COMMD10: variants seen among roughly 807,000 people sequenced by gnomAD.
The protein encoded by COMMD10 is COMM domain containing 10.
In COMMD10, 33 loss-of-function variants were observed where a neutral mutation model predicts 28.9. The ratio of observed to expected loss-of-function variants is 1.14; its 90% CI spans 0.87 to 1.53. The LOEUF is 1.53. Among genes scored for constraint, COMMD10 ranks in the 40% most tolerant of loss-of-function variants. The pLI, the probability that COMMD10 is intolerant of heterozygous loss-of-function variation, is 0.00. For synonymous variants in COMMD10, 110 were observed against 81.7 expected (o/e 1.35, Z -1.87); for missense variants, 310 against 233.4 (o/e 1.33, Z -2.14).
At position 116,161,083 on chromosome 5, in the gene COMMD10, G is replaced by A. The variant is rs530117012; in HGVS notation, c.510+26905G>A. ...TATTTATGGGCCCATGAAGCCTGCC[G>A]GTTGGTTGGTTTGTTTTTGGTATAT... On this transcript the variant is annotated intron_variant, in intron 5 of 6. Transcript: ENST00000274458. Among the ~76,000 whole-genome samples the A allele has an allele frequency of 1.2e-3, 187 of 152,140 alleles. 1 individual carries two copies. The highest frequency in any genetic ancestry group is 2.4e-3 in the Non-Finnish European group (161 of 67,998).
intron 4 of COMMD10, among the ~76,000 whole-genome samples, chr5:116,132,459 A>G (rs1011212943): frequency 2.0e-5 from 3 of 152,170 alleles, no homozygotes; most frequent in African/African-American, 4.8e-5. Context: ...CATCATCTCT[A>G]TGCAGTGCCT....
At position 116,183,278 on chromosome 5, in the gene COMMD10, A is replaced by T. The variant is rs1022562067; in HGVS notation, c.510+49100A>T. On this transcript the variant is annotated intron_variant, in intron 5 of 6. Coordinates refer to ENST00000274458, the MANE Select transcript of COMMD10 (RefSeq NM_016144.4). The stretch of plus-strand genomic sequence containing the variant: ...AGGGGAGACTAAGGATGATGCCAGA[A>T]CTGAAAGAAAAATGTTTCTAGAAGA... Among the ~76,000 whole-genome samples, 9 of 152,252 alleles carry T rather than the reference A, an allele frequency of 5.9e-5. No homozygotes were observed. In the East Asian group the frequency reaches 1.2e-3, roughly 20 times the overall value.
chr5:116,291,290 A>G (rs1240969457), intron 5 of COMMD10, among the ~76,000 whole-genome samples: 1 of 152,208 alleles, frequency 6.6e-6, no homozygotes, highest in East Asian at 1.9e-4. Context: ...TAACCTTCGT[A>G]GAGTCAACTT....
Position 116,092,686 on chromosome 5 carries a change from C to G in COMMD10, c.385C>G (p.Leu129Val), listed in dbSNP as rs957169526. The part of the protein sequence containing the change: ...ETVEKFRQRI[L>V]APCKLETVGW... ...AGTTGAAAAGTTCCGGCAGAGAATT[C>G]TGGCTCCCTGTAAGGTATAGAACAT... is the stretch of plus-strand genomic sequence containing the variant. Residue 129 changes from leucine to valine, a missense_variant, in exon 4 of 7, where the codon CTG (leucine) becomes GTG (valine). Coordinates refer to ENST00000274458, the MANE Select transcript of COMMD10 (RefSeq NM_016144.4). The G allele has an allele frequency of 1.2e-6, 2 of 1,606,296 alleles. No homozygotes were observed. The highest frequency in any genetic ancestry group is 1.3e-5 in the African/African-American group (1 of 74,710).
intron 5 of COMMD10, among the ~76,000 whole-genome samples, chr5:116,278,098 C>G (rs1750968247): frequency 6.6e-6 from 1 of 151,602 alleles, no homozygotes; most frequent in African/African-American, 2.4e-5. Context: ...AATAATGTAC[C>G]TATTACAAAT....
intron 5 of COMMD10, among the ~76,000 whole-genome samples, chr5:116,239,149 C>A (rs968952313): frequency 3.9e-5 from 6 of 152,118 alleles, no homozygotes; most frequent in African/African-American, 1.4e-4. Flanking sequence ...TAAACCATGG[C>A]TTTTAACAAA....
At chr5:116,129,888 A>T (rs1420331387) in intron 4 of COMMD10, among the ~76,000 whole-genome samples, 2 of 149,122 alleles carry the variant, frequency 1.3e-5, no homozygotes, top group Non-Finnish European at 3.0e-5. Context: ...AGTTTGTAAT[A>T]ATAGTTATCC....
At chr5:116,131,476 C>T (rs1337855644) in intron 4 of COMMD10, among the ~76,000 whole-genome samples, 2 of 151,830 alleles carry the variant, frequency 1.3e-5, no homozygotes, top group Non-Finnish European at 2.9e-5. Context: ...AGGTTGCAGT[C>T]CTGCCTCCTA....
At chr5:116,119,464 A>G (rs1252359192) in intron 4 of COMMD10, among the ~76,000 whole-genome samples, 2 of 152,196 alleles carry the variant, frequency 1.3e-5, no homozygotes, top group African/African-American at 2.4e-5. Flanking sequence ...GAGGCTGCCT[A>G]ATGGGTAACC....
At chr5:116,230,782 T>G (rs951052014) in intron 5 of COMMD10, among the ~76,000 whole-genome samples, 4 of 152,104 alleles carry the variant, frequency 2.6e-5, no homozygotes, top group Non-Finnish European at 5.9e-5. Context: ...CCATCCAAAG[T>G]TCTTGAAGTT....
At chr5:116,158,190 G>A (rs183661930) in intron 5 of COMMD10, among the ~76,000 whole-genome samples, 1 of 79,490 alleles carries the variant, frequency 1.3e-5, no homozygotes, top group Admixed American at 1.4e-4. Context: ...CCCTCTCTCC[G>A]TCTCCCCTCT....
chr5:116,247,359 A>T (rs1012271890), intron 5 of COMMD10, among the ~76,000 whole-genome samples: 1 of 152,088 alleles, frequency 6.6e-6, no homozygotes, highest in East Asian at 1.9e-4. Flanking sequence ...ACACTTATAC[A>T]CTGTTGGTGG....
At chr5:116,089,264 G>A (rs1040718457) in intron 2 of COMMD10, among the ~76,000 whole-genome samples, 1 of 152,138 alleles carries the variant, frequency 6.6e-6, no homozygotes, top group African/African-American at 2.4e-5. Flanking sequence ...TATCTATGAG[G>A]TAACCAAGAT....
chr5:116,247,439 CCAT>C (rs773546636), intron 5 of COMMD10, among the ~76,000 whole-genome samples: 2 of 152,032 alleles, frequency 1.3e-5, no homozygotes, highest in Non-Finnish European at 2.9e-5. Flanking sequence ...AGCAGAAATA[CCAT>C]TCAAGCCAGC....
At chr5:116,126,872 C>A (rs1287193531) in intron 4 of COMMD10, among the ~76,000 whole-genome samples, 1 of 152,168 alleles carries the variant, frequency 6.6e-6, no homozygotes, top group Non-Finnish European at 1.5e-5. Context: ...TGGGCAAGGA[C>A]TTCATGTCTA....
In COMMD10 at chr5:116,197,905, G is replaced by T. The variant is rs116710890; in HGVS notation, c.510+63727G>T. Among the ~76,000 whole-genome samples, 890 of 152,234 alleles carry T rather than the reference G, an allele frequency of 5.8e-3. 2 individuals are homozygous for T. The highest frequency in any genetic ancestry group is 9.9e-3 in the Non-Finnish European group (670 of 68,006). On this transcript the variant is annotated intron_variant, in intron 5 of 6. Transcript: ENST00000274458. The stretch of plus-strand genomic sequence containing the variant: ...AGGAGAAGTAGAAATACTAAGTGCA[G>T]ATTCACAGTTCAGTTTAGCCCAGAA...
intron 5 of COMMD10, among the ~76,000 whole-genome samples, chr5:116,226,599 G>T (rs1471432075): frequency 6.6e-6 from 1 of 151,518 alleles, no homozygotes; most frequent in African/African-American, 2.4e-5. Context: ...CAATATTGGG[G>T]GACTTGGGAC....
intron 5 of COMMD10, among the ~76,000 whole-genome samples, chr5:116,218,728 AC>A (rs1561672448): frequency 6.6e-6 from 1 of 152,162 alleles, no homozygotes; most frequent in Non-Finnish European, 1.5e-5. Context: ...AAGAATAAAT[AC>A]TATGAGAACA....
chr5:116,266,493 AT>A (rs1478933317), intron 5 of COMMD10, among the ~76,000 whole-genome samples: 2 of 151,862 alleles, frequency 1.3e-5, no homozygotes, highest in Non-Finnish European at 2.9e-5. Flanking sequence ...TCTTAACATT[AT>A]CTGTAAGCTG....
Sources: allele counts gnomAD v4.1 joint callset (sites outside exome capture counted in the v4.1 genomes callset), GRCh38; gene constraint gnomAD v4.1.1; transcripts MANE v1.5; gene names NCBI Gene and HGNC (gene_info 2026-07-23, HGNC 2026-07-21).